PLEKHA8: variants seen among roughly 807,000 people sequenced by gnomAD.
PLEKHA8 encodes pleckstrin homology domain containing A8.
A neutral mutation model predicts 68.2 loss-of-function variants in PLEKHA8; 36 were observed. The observed-to-expected ratio is 0.53, with a 90% CI of 0.40 to 0.70. PLEKHA8 has a LOEUF of 0.70. Ranked by LOEUF, PLEKHA8 falls within the 30% of genes least tolerant of loss-of-function variation. The pLI is 0.00. For synonymous variants in PLEKHA8, 211 were observed against 216.1 expected (o/e 0.98, Z 0.20); for missense variants, 505 against 615.4 (o/e 0.82, Z 1.90).
chr7:30,041,403 A>G (rs1791521545), intron 1 of PLEKHA8, among the ~76,000 whole-genome samples: 1 of 149,168 alleles, frequency 6.7e-6, no homozygotes, highest in African/African-American at 2.5e-5. Context: ...AGTTGCTATT[A>G]TAATTTACCA....
In PLEKHA8 at chr7:30,083,364, A is replaced by G. The variant is rs186159836; in HGVS notation, c.*4577A>G. The G allele has an allele frequency of 4.1e-5, 40 of 984,438 alleles. No homozygotes were observed. The African/African-American group carries it at 6.6e-4, about 16-fold the overall frequency. The allele number at this position is 984,438 out of a possible 1,614,324, so 61.0% of individuals were successfully genotyped here. On this transcript the variant is annotated 3_prime_UTR_variant, in exon 14 of 14. Coordinates refer to ENST00000449726, the MANE Select transcript of PLEKHA8 (RefSeq NM_001197026.2). ...ACTAGCTGTCTAATGGTATTTTAAG[A>G]CTGTTTATCTGTATCACAACGTCAT...
intron 13 of PLEKHA8, among the ~76,000 whole-genome samples, chr7:30,096,916 A>G (rs1562547421): frequency 6.6e-6 from 1 of 152,168 alleles, no homozygotes; most frequent in Non-Finnish European, 1.5e-5. Context: ...GTTTCTTCCT[A>G]GCCTTAATGG....
At position 30,028,799 on chromosome 7, in the gene PLEKHA8, A is replaced by G; in HGVS notation, c.37A>G (p.Ser13Gly). ...GCTGTACAAGTGGACCAACTATCTG[A>G]GCGGTGAGTGGCCGTGCCGGGCCGG... Reference protein sequence around the residue: ...GVLYKWTNYLSGWQPRWFLLC... With the variant: ...GVLYKWTNYLGGWQPRWFLLC... The change falls in exon 1 of 14, where the codon AGC becomes GGC. Residue 13 changes from serine (S) to glycine (G), a missense_variant. Physicochemically the swap from Ser to Gly is moderately conservative, Grantham distance 56. Transcript: ENST00000449726. The G allele has an allele frequency of 7.9e-7, 1 of 1,271,014 alleles. No homozygotes were observed. Among genetic ancestry groups the G allele is most frequent in the South Asian group, 3.8e-5 (1 of 26,176 alleles). 78.7% of individuals were successfully genotyped at this position (1,271,014 alleles called of 1,614,324 possible).
intron 13 of PLEKHA8, among the ~76,000 whole-genome samples, chr7:30,110,914 T>TG (rs1432494123): frequency 6.6e-5 from 10 of 151,810 alleles, no homozygotes; most frequent in African/African-American, 2.4e-4. Context: ...GAGGTTGTTT[T>TG]TTTTTTTTTT....
chr7:30,034,365 G>C (rs544267162), intron 1 of PLEKHA8, among the ~76,000 whole-genome samples: 2 of 152,178 alleles, frequency 1.3e-5, no homozygotes, highest in Non-Finnish European at 2.9e-5. Flanking sequence ...TGCAAATACA[G>C]TTGACCCATG....
rs1794844834 is a variant in PLEKHA8, at chr7:30,080,068, C to A, written c.*1281C>A. On this transcript the variant is annotated 3_prime_UTR_variant, in exon 14 of 14. Transcript: ENST00000449726. Reference sequence around the variant, plus strand: ...GGACCATGACTCTGAATCTGCTTACCAATCAATCTCGGTTTAATCACCAAA... The same window carrying A: ...GGACCATGACTCTGAATCTGCTTACAAATCAATCTCGGTTTAATCACCAAA... 1 of 985,190 alleles carries A rather than the reference C, an allele frequency of 1.0e-6. No individual in the cohort carries two copies. The highest frequency in any genetic ancestry group is 4.7e-5 in the South Asian group (1 of 21,284). 61.0% of individuals were successfully genotyped at this position (985,190 alleles called of 1,614,324 possible).
At chr7:30,105,311 T>TAAAAA (rs59891172) in intron 13 of PLEKHA8, among the ~76,000 whole-genome samples, 1 of 53,728 alleles carries the variant, frequency 1.9e-5, no homozygotes, top group Non-Finnish European at 3.4e-5. Flanking sequence ...TCTCTATAAT[T>TAAAAA]AAAAAAAAAA....
At chr7:30,064,437 G>T (rs1364282456) in intron 12 of PLEKHA8, among the ~76,000 whole-genome samples, 2 of 152,106 alleles carry the variant, frequency 1.3e-5, no homozygotes, top group African/African-American at 4.8e-5. Flanking sequence ...CAGCTACTTA[G>T]GGGGCTGAGG....
chr7:30,075,940 G>A lies in PLEKHA8; in HGVS notation c.1362+1808G>A, dbSNP rs532655439. On this transcript the variant is annotated intron_variant, in intron 13 of 13. Coordinates refer to ENST00000449726, the MANE Select transcript of PLEKHA8 (RefSeq NM_001197026.2). Reference sequence around the variant, plus strand: ...ACTCATAAAAAATTTTAGAAATCATGGTAGAAAGAGAAGAAATTAAAACTG... The same window carrying A: ...ACTCATAAAAAATTTTAGAAATCATAGTAGAAAGAGAAGAAATTAAAACTG... 4.4e-4 allele frequency among the ~76,000 whole-genome samples: 67 copies of A among 151,946 alleles called. 1 individual carries two copies. The highest frequency in any genetic ancestry group is 1.6e-3 in the African/African-American group (65 of 41,454).
intron 13 of PLEKHA8, chr7:30,115,790 G>A (rs1009885573): frequency 6.9e-6 from 1 of 144,128 alleles, no homozygotes; most frequent in Non-Finnish European, 1.5e-5. Context: ...ATACATACGT[G>A]CACATACATG....
intron 9 of PLEKHA8, among the ~76,000 whole-genome samples, chr7:30,056,986 T>A (rs1793043420): frequency 6.7e-6 from 1 of 150,216 alleles, no homozygotes; most frequent in Admixed American, 6.6e-5. Flanking sequence ...TCACTTTTAC[T>A]TGTATAAAGT....
intron 9 of PLEKHA8, among the ~76,000 whole-genome samples, chr7:30,060,174 G>T (rs1793324316): frequency 6.6e-6 from 1 of 151,972 alleles, no homozygotes; most frequent in Non-Finnish European, 1.5e-5. Flanking sequence ...GAGCATGGTG[G>T]CTCACGCCTG....
chr7:30,078,472 T>C lies in PLEKHA8; in HGVS notation c.1363-118T>C, dbSNP rs1201342084. The C allele has an allele frequency of 2.8e-6, 3 of 1,081,494 alleles. No homozygotes were observed. In the Admixed American group the frequency reaches 6.5e-5, roughly 23 times the overall value. 67.0% of individuals were successfully genotyped at this position (1,081,494 alleles called of 1,614,324 possible). ...GAAGGGTAGTCATATTTCTTTACTC[T>C]TGCTCTTCTCAGCTGTTTGTATGTG... is the stretch of plus-strand genomic sequence containing the variant. On this transcript the variant is annotated intron_variant, in intron 13 of 13. Coordinates refer to ENST00000449726, the MANE Select transcript of PLEKHA8 (RefSeq NM_001197026.2).
intron 13 of PLEKHA8, chr7:30,118,032 G>A: frequency 2.0e-6 from 3 of 1,516,312 alleles, no homozygotes; most frequent in Non-Finnish European, 1.8e-6. Context: ...CGGGTGCAGA[G>A]TGGCCTGCAG....
At position 30,074,067 on chromosome 7, in the gene PLEKHA8, C is replaced by G; in HGVS notation, c.1301-4C>G. 6.2e-7 allele frequency: 1 copy of G among 1,609,048 alleles called. No homozygotes were observed. The highest frequency in any genetic ancestry group is 1.1e-5 in the South Asian group (1 of 90,360). ...TTCCTCATGGAGTTTTTCTTCTTTTCAAGATAATGCATATGGTAAAACATT... is the reference window on the plus strand; with the variant it reads ...TTCCTCATGGAGTTTTTCTTCTTTTGAAGATAATGCATATGGTAAAACATT... On this transcript the variant is annotated splice_polypyrimidine_tract_variant and splice_region_variant and intron_variant, in intron 12 of 13. Transcript: ENST00000449726.
intron 9 of PLEKHA8, among the ~76,000 whole-genome samples, chr7:30,056,612 C>A (rs753669531): frequency 2.2e-4 from 32 of 146,086 alleles, no homozygotes; most frequent in Non-Finnish European, 4.0e-4. Context: ...ACCTGTAATC[C>A]CAGTTACTCA....
chr7:30,047,710 G>A, intron 3 of PLEKHA8, 122 bp from the exon 4 acceptor site: 1 of 1,010,194 alleles, frequency 9.9e-7, no homozygotes, highest in Non-Finnish European at 1.4e-6. Flanking sequence ...TTAAAGATTT[G>A]ACTTTGGGCA....
intron 13 of PLEKHA8, among the ~76,000 whole-genome samples, chr7:30,115,661 T>C (rs960802367): frequency 1.5e-4 from 23 of 151,572 alleles, no homozygotes; most frequent in Non-Finnish European, 3.1e-4. Context: ...CACATACATG[T>C]ATACGTGTAT....
chr7:30,032,810 G>T (rs909408619), intron 1 of PLEKHA8, among the ~76,000 whole-genome samples: 2 of 152,182 alleles, frequency 1.3e-5, no homozygotes, highest in African/African-American at 4.8e-5. Context: ...GTAGTTTTAG[G>T]TCCTTTTCCT....
Sources: gnomAD v4.1 joint callset for allele counts (sites outside exome capture counted in the v4.1 genomes callset) on GRCh38, gnomAD v4.1.1 for gene constraint, MANE v1.5 for transcripts, NCBI Gene and HGNC (gene_info 2026-07-23, HGNC 2026-07-21) for gene names.